The following DPF1 variants were observed in gnomAD, a reference collection of about 807,000 sequenced individuals.
DPF1 encodes zinc finger protein neuro-d4.
In DPF1, 14 loss-of-function variants were observed where a neutral mutation model predicts 58.7. That is an observed-to-expected ratio of 0.24 (90% CI 0.16 to 0.37). The LOEUF (loss-of-function observed/expected upper bound fraction) is 0.37. Among genes scored for constraint, DPF1 ranks in the 10% least tolerant of loss-of-function variants. The pLI, the probability that DPF1 is intolerant of heterozygous loss-of-function variation, is 1.00. For missense variants in DPF1, 345 were observed against 529.9 expected (o/e 0.65, Z 3.43); for synonymous variants, 216 against 216.0 (o/e 1.00, Z 0.00).
intron 10 of DPF1, among the ~76,000 whole-genome samples, chr19:38,212,749 T>C (rs972612650): frequency 6.7e-6 from 1 of 149,546 alleles, no homozygotes; most frequent in African/African-American, 2.5e-5. Context: ...GAGCTGGGAC[T>C]ACAGGTGTGC....
chr19:38,222,478 G>A lies in DPF1; in HGVS notation c.191-14C>T, dbSNP rs377671409. ...CCGGGGCCAAACCTGGAGAGAGAGG[G>A]GGGTGAGAGGGCGGCGGCGGTGGGG... On this transcript the variant is annotated splice_polypyrimidine_tract_variant and intron_variant, in intron 2 of 11. Coordinates refer to ENST00000355526, the MANE Select transcript of DPF1 (RefSeq NM_001135155.3). The surrounding 1 kb of genome is among the most constrained non-coding windows in gnomAD (Gnocchi z 4.9). 3.8e-5 allele frequency: 60 copies of A among 1,581,708 alleles called. No homozygotes were observed. Among genetic ancestry groups the A allele is most frequent in the Non-Finnish European group, 4.8e-5 (56 of 1,169,768 alleles).
At chr19:38,220,486 T>G (rs1200840316) in intron 3 of DPF1, among the ~76,000 whole-genome samples, 1 of 151,032 alleles carries the variant, frequency 6.6e-6, no homozygotes, top group Non-Finnish European at 1.5e-5. Context: ...CTGGGCGTAG[T>G]GGCAGGCGCC....
chr19:38,212,238 T>TGGGGGGGC, intron 11 of DPF1, 42 bp downstream of exon 11: 3 of 585,174 alleles, frequency 5.1e-6, no homozygotes, highest in Non-Finnish European at 8.9e-6. Context: ...GAGATGGCGT[T>TGGGGGGGC]CCCACCCACC....
At chr19:38,229,030 G>A (rs1398544929), upstream of DPF1, among the ~76,000 whole-genome samples, 1 of 152,094 alleles carries the variant, frequency 6.6e-6, no homozygotes, top group Non-Finnish European at 1.5e-5. This position sits in a 1 kb window ranked among gnomAD's most constrained non-coding sequence, Gnocchi z 5.3. Flanking sequence ...AGGAAAAAGG[G>A]GAGGCAGCGG....
intron 7 of DPF1, chr19:38,217,247 C>T: frequency 1.6e-6 from 1 of 629,142 alleles, no homozygotes; most frequent in Non-Finnish European, 2.7e-6. Context: ...TAAATCAGAC[C>T]CAGAAATATT....
At chr19:38,218,232 G>A (rs1352961848) in intron 5 of DPF1, among the ~76,000 whole-genome samples, 1 of 152,172 alleles carries the variant, frequency 6.6e-6, no homozygotes, top group Non-Finnish European at 1.5e-5. Flanking sequence ...AAGAAAGTGA[G>A]AAAACAGTGT....
rs1464445640 is a variant in DPF1, at chr19:38,222,965, CG to C, written c.30-258del. The C allele has an allele frequency of 6.1e-6, 3 of 495,512 alleles. No individual in the cohort carries two copies. The African/African-American group carries it at 6.2e-5, about 10-fold the overall frequency. 30.7% of individuals were successfully genotyped at this position (495,512 alleles called of 1,614,324 possible). ...GATACAGAAACAAACAAAAACACAC[CG>C]GGACGTATCCCTACCTGAACACATG... is the stretch of plus-strand genomic sequence containing the variant. On this transcript the variant is annotated intron_variant, in intron 1 of 11. Coordinates refer to ENST00000355526, the MANE Select transcript of DPF1 (RefSeq NM_001135155.3). This position sits in a 1 kb window ranked among gnomAD's most constrained non-coding sequence, Gnocchi z 4.9.
chr19:38,217,927 G>C, intron 5 of DPF1, 51 bp from the exon 6 acceptor site: 1 of 1,595,218 alleles, frequency 6.3e-7, no homozygotes, highest in Non-Finnish European at 8.6e-7. Context: ...AAACAGGCCA[G>C]GCGTGGTGGC....
rs1022805074 is a variant in DPF1, at chr19:38,216,028, T to C, written c.898+112A>G. 28 of 1,489,378 alleles carry C rather than the reference T, an allele frequency of 1.9e-5. No individual in the cohort carries two copies. In the South Asian group the frequency reaches 3.7e-4, roughly 20 times the overall value. 92.3% of individuals were successfully genotyped at this position (1,489,378 alleles called of 1,614,324 possible). ...AGCTCTGGTTATCCACAGTATCCCC[T>C]ACATGCTCCGGGTCCCCTCGGTCCT... On this transcript the variant is annotated intron_variant, in intron 9 of 11. Coordinates refer to ENST00000355526, the MANE Select transcript of DPF1 (RefSeq NM_001135155.3).
intron 11 of DPF1, 59 bp from the exon 12 acceptor site, chr19:38,212,192 T>G: frequency 3.5e-6 from 5 of 1,414,954 alleles, no homozygotes; most frequent in Admixed American, 1.9e-5. Flanking sequence ...CCCCAGCCCC[T>G]TCCCACCCCG....
At chr19:38,217,378 C>CG in intron 7 of DPF1, 82 bp downstream of exon 7, 5 of 355,614 alleles carry the variant, frequency 1.4e-5, no homozygotes, top group Non-Finnish European at 2.7e-5. Context: ...ATGTCTAATG[C>CG]CCCCCCACCC....
At chr19:38,219,455 T>C (rs1967286629) in intron 3 of DPF1, 2 of 170,354 alleles carry the variant, frequency 1.2e-5, no homozygotes, top group Non-Finnish European at 2.5e-5. Flanking sequence ...CTGAGACAGA[T>C]GCGGGAAGGA....
chr19:38,211,970 C>T lies in DPF1; in HGVS notation c.*93G>A, dbSNP rs956426401. On this transcript the variant is annotated 3_prime_UTR_variant, in exon 12 of 12. Coordinates refer to ENST00000355526, the MANE Select transcript of DPF1 (RefSeq NM_001135155.3). This position sits in a 1 kb window ranked among gnomAD's most constrained non-coding sequence, Gnocchi z 4.0. The stretch of plus-strand genomic sequence containing the variant: ...CTCTCGGCTTCCCCCTCTCCCCCTC[C>T]CCCTGCGGGATGTTCAGGGTGGGGG... 5.1e-5 allele frequency: 72 copies of T among 1,418,044 alleles called. No individual in the cohort carries two copies. Among genetic ancestry groups the T allele is most frequent in the Non-Finnish European group, 6.3e-5 (65 of 1,028,618 alleles). The allele number at this position is 1,418,044 out of a possible 1,614,324, so 87.8% of individuals were successfully genotyped here.
At chr19:38,218,496 G>A in intron 5 of DPF1, 77 bp downstream of exon 5, 8 of 1,471,160 alleles carry the variant, frequency 5.4e-6, no homozygotes, top group South Asian at 2.3e-5. Flanking sequence ...TGTGGCAGGG[G>A]CGGACCACTG....
chr19:38,216,650 A>T, intron 7 of DPF1: 1 of 401,112 alleles, frequency 2.5e-6, no homozygotes, highest in South Asian at 9.6e-5. Flanking sequence ...CTGGTCTCCA[A>T]CTCCTGGCCT....
intron 4 of DPF1, 86 bp from the exon 5 acceptor site, chr19:38,218,748 G>A (rs1416084886): frequency 6.4e-7 from 1 of 1,554,258 alleles, no homozygotes; most frequent in African/African-American, 1.4e-5. Context: ...TGGAGATTGG[G>A]GGTGAGAGTA....
Position 38,211,985 on chromosome 19 carries a change from C to T in DPF1, c.*78G>A. 5.3e-6 allele frequency: 8 copies of T among 1,508,592 alleles called. No individual in the cohort carries two copies. Among genetic ancestry groups the T allele is most frequent in the Non-Finnish European group, 6.3e-6 (7 of 1,103,690 alleles). 93.5% of individuals were successfully genotyped at this position (1,508,592 alleles called of 1,614,324 possible). On this transcript the variant is annotated 3_prime_UTR_variant, in exon 12 of 12. Transcript: ENST00000355526. This position sits in a 1 kb window ranked among gnomAD's most constrained non-coding sequence, Gnocchi z 4.0. ...TCTCCCCCTCCCCCTGCGGGATGTT[C>T]AGGGTGGGGGAGAATTGAGGAGCTC...
chr19:38,217,395 C>CCCCCCGGGGGCCA, intron 7 of DPF1, 65 bp downstream of exon 7: 3 of 1,150,380 alleles, frequency 2.6e-6, no homozygotes, highest in African/African-American at 1.6e-5. Context: ...ACCCCCACCC[C>CCCCCCGGGGGCCA]CAGCTGGGCT....
intron 7 of DPF1, among the ~76,000 whole-genome samples, chr19:38,217,213 C>G (rs1029088442): frequency 1.3e-5 from 2 of 152,198 alleles, no homozygotes; most frequent in South Asian, 2.1e-4. Context: ...ATCACCCCCC[C>G]TCCCCAAGCT....
Sources: gnomAD v4.1 joint callset for allele counts (sites outside exome capture counted in the v4.1 genomes callset) on GRCh38, gnomAD v4.1.1 for gene constraint, Gnocchi (gnomAD v3.1) non-coding constraint, MANE v1.5 for transcripts, NCBI Gene and HGNC (gene_info 2026-07-23, HGNC 2026-07-21) for gene names.